The following KCNH1 variants were observed in gnomAD, a reference collection of about 807,000 sequenced individuals.
The protein encoded by KCNH1 is potassium voltage-gated channel subfamily H member 1.
A neutral mutation model predicts 69.2 loss-of-function variants in KCNH1; 27 were observed. That is an observed-to-expected ratio of 0.39 (90% CI 0.29 to 0.54). KCNH1 has a LOEUF of 0.54. KCNH1 is among the 20% of genes least tolerant of loss of function. The pLI, the probability that KCNH1 is intolerant of heterozygous loss-of-function variation, is 0.68. For missense variants in KCNH1, 798 were observed against 1,261.6 expected (o/e 0.63, Z 5.57); for synonymous variants, 456 against 487.7 (o/e 0.93, Z 0.86).
At chr1:210,808,707 A>G (rs1684637734) in intron 7 of KCNH1, among the ~76,000 whole-genome samples, 1 of 152,224 alleles carries the variant, frequency 6.6e-6, no homozygotes, top group South Asian at 2.1e-4. Flanking sequence ...CTAATTTTAT[A>G]TGAAGGGGGA....
intron 7 of KCNH1, among the ~76,000 whole-genome samples, chr1:210,818,468 C>T (rs1224600142): frequency 1.3e-5 from 2 of 152,118 alleles, no homozygotes; most frequent in East Asian, 1.9e-4. Context: ...CTATCCCGAC[C>T]CTGCTACTTA....
chr1:210,687,234 T>C (rs1681426134), intron 10 of KCNH1, among the ~76,000 whole-genome samples: 1 of 152,158 alleles, frequency 6.6e-6, no homozygotes, highest in Non-Finnish European at 1.5e-5. Context: ...ATGGTGGACA[T>C]TTGGGAGGGG....
chr1:210,766,886 GAACT>G (rs1274461496), intron 10 of KCNH1, among the ~76,000 whole-genome samples: 1 of 152,198 alleles, frequency 6.6e-6, no homozygotes, highest in African/African-American at 2.4e-5. Context: ...AAATAGGGGA[GAACT>G]AACATTTCTT....
intron 7 of KCNH1, among the ~76,000 whole-genome samples, chr1:210,823,182 A>G (rs1042785241): frequency 6.6e-6 from 1 of 152,152 alleles, no homozygotes; most frequent in Non-Finnish European, 1.5e-5. Context: ...CCAGGCAGCC[A>G]ATTACTTCAG....
chr1:210,973,652 T>A (rs933452571), intron 6 of KCNH1, among the ~76,000 whole-genome samples: 4 of 152,204 alleles, frequency 2.6e-5, no homozygotes, highest in Non-Finnish European at 5.9e-5. Flanking sequence ...ATAGTATATA[T>A]AATTTTATAC....
chr1:210,980,247 T>G (rs1688684739), intron 6 of KCNH1, among the ~76,000 whole-genome samples: 1 of 152,170 alleles, frequency 6.6e-6, no homozygotes, highest in South Asian at 2.1e-4. Context: ...GATCCCCAGA[T>G]GCAGGTTAAG....
At chr1:210,980,934 G>C (rs959320108) in intron 6 of KCNH1, among the ~76,000 whole-genome samples, 3 of 151,890 alleles carry the variant, frequency 2.0e-5, no homozygotes, top group Non-Finnish European at 4.4e-5. Context: ...ACATTACCTT[G>C]GTCCCGTAGC....
chr1:210,996,351 C>T (rs1180389533), intron 6 of KCNH1, among the ~76,000 whole-genome samples: 2 of 152,196 alleles, frequency 1.3e-5, no homozygotes, highest in Admixed American at 6.5e-5. Context: ...GCACCTGGTT[C>T]GGAGGGTCCT....
chr1:210,702,769 G>C (rs561895366), intron 10 of KCNH1, among the ~76,000 whole-genome samples: 33 of 152,174 alleles, frequency 2.2e-4, no homozygotes, highest in Non-Finnish European at 4.4e-4. Context: ...GAGCTTTCTT[G>C]GGCTTTGCAA....
chr1:210,859,250 T>C (rs754776918), intron 7 of KCNH1: 19 of 1,611,700 alleles, frequency 1.2e-5, no homozygotes, highest in Non-Finnish European at 1.5e-5. Context: ...GTATCCTCCA[T>C]GCTTCTCAAT....
At chr1:210,695,626 G>A (rs562085708) in intron 10 of KCNH1, among the ~76,000 whole-genome samples, 2 of 152,292 alleles carry the variant, frequency 1.3e-5, no homozygotes, top group African/African-American at 2.4e-5. Flanking sequence ...AAAACTAGAA[G>A]GGTGCTTGTC....
chr1:210,937,124 A>G (rs561822839), intron 6 of KCNH1, among the ~76,000 whole-genome samples: 2 of 152,168 alleles, frequency 1.3e-5, no homozygotes, highest in Non-Finnish European at 2.9e-5. Flanking sequence ...CCTTCCTAAA[A>G]CTATAATCAA....
chr1:211,044,599 G>A (rs773140841), intron 5 of KCNH1, among the ~76,000 whole-genome samples: 57 of 152,058 alleles, frequency 3.7e-4, no homozygotes, highest in Non-Finnish European at 7.6e-4. Flanking sequence ...AGTGGGCTAT[G>A]GACATGAATA....
intron 7 of KCNH1, among the ~76,000 whole-genome samples, chr1:210,875,061 T>C (rs1039915877): frequency 1.3e-5 from 2 of 152,092 alleles, no homozygotes; most frequent in Non-Finnish European, 2.9e-5. Flanking sequence ...AGAAGAGAAA[T>C]GGATACCTAT....
intron 5 of KCNH1, among the ~76,000 whole-genome samples, chr1:211,075,649 G>A (rs988731661): frequency 1.3e-5 from 2 of 152,236 alleles, no homozygotes; most frequent in African/African-American, 4.8e-5. Context: ...CTGGTCTGCA[G>A]CTCCCAGCGT....
chr1:210,694,368 TC>T (rs1182668567), intron 10 of KCNH1, among the ~76,000 whole-genome samples: 2 of 151,982 alleles, frequency 1.3e-5, no homozygotes, highest in Non-Finnish European at 2.9e-5. Flanking sequence ...TGCTTTTTTT[TC>T]CCCTTAGTGA....
chr1:210,762,129 A>G (rs1199785909), intron 10 of KCNH1, among the ~76,000 whole-genome samples: 1 of 152,190 alleles, frequency 6.6e-6, no homozygotes, highest in Non-Finnish European at 1.5e-5. Context: ...AATGACTTTT[A>G]GGTAAAAAAC....
intron 7 of KCNH1, chr1:210,862,171 G>T: frequency 1.5e-6 from 2 of 1,350,454 alleles, no homozygotes; most frequent in Non-Finnish European, 2.1e-6. Flanking sequence ...CTGGAGCAGC[G>T]TTGAGACAAA....
At chr1:210,706,666 G>A (rs1681920613) in intron 10 of KCNH1, among the ~76,000 whole-genome samples, 1 of 152,222 alleles carries the variant, frequency 6.6e-6, no homozygotes, top group South Asian at 2.1e-4. Context: ...AGGAAATACT[G>A]GGAGCCAATT....
Sources: allele counts gnomAD v4.1 joint callset (sites outside exome capture counted in the v4.1 genomes callset), GRCh38; gene constraint gnomAD v4.1.1; transcripts MANE v1.5; gene names NCBI Gene and HGNC (gene_info 2026-07-23, HGNC 2026-07-21).